Variants in SLC25A28 observed in about 807,000 individuals in gnomAD.
The protein encoded by SLC25A28 is solute carrier family 25 member 28.
SLC25A28 carries 10 observed loss-of-function variants against 31.9 expected under a neutral mutation model. The observed-to-expected ratio is 0.31, with a 90% confidence interval of 0.19 to 0.53. The LOEUF (loss-of-function observed/expected upper bound fraction) is 0.53. SLC25A28 is among the 20% of genes least tolerant of loss of function. SLC25A28 has a pLI of 0.95. For missense variants in SLC25A28, 256 were observed against 490.3 expected, an observed-to-expected ratio of 0.52 and a Z score of 4.51; for synonymous variants, 208 against 203.6, an observed-to-expected ratio of 1.02 and a Z score of -0.19.
the SLC25A28 span, among the ~76,000 whole-genome samples, chr10:99,658,022 C>T: frequency 6.6e-6 from 1 of 151,926 alleles, no homozygotes; most frequent in African/African-American, 2.4e-5. Context: ...TCCATCTCTA[C>T]AAAGAATTAA....
In SLC25A28 at chr10:99,620,431, A is replaced by G; in HGVS notation, c.-96T>C. On this transcript the variant is annotated 5_prime_UTR_variant, in exon 1 of 4. Transcript: ENST00000370495. ...GTAGTGTCCGCCTCAGGCGCGGCCC[A>G]GAGAGCCCGGGGCCTCCGGCTCCCG... 1 of 1,037,210 alleles carries G rather than the reference A, an allele frequency of 9.6e-7. No individual in the cohort carries two copies. The highest frequency in any genetic ancestry group is 1.2e-6 in the Non-Finnish European group (1 of 867,258). The allele number at this position is 1,037,210 out of a possible 1,614,324, so 64.3% of individuals were successfully genotyped here. A position where few individuals can be genotyped will look rare whatever the true frequency, so the allele number is the denominator to read the frequency against.
At chr10:99,656,860 T>A in the SLC25A28 span, among the ~76,000 whole-genome samples, 3 of 152,220 alleles carry the variant, frequency 2.0e-5, no homozygotes. Flanking sequence ...TCTCAGTGCT[T>A]TTTAATTTGC....
Position 99,613,958 on chromosome 10 carries a change from C to T in SLC25A28, c.292-34G>A, listed in dbSNP as rs1846006106. 1.9e-6 allele frequency: 3 copies of T among 1,549,698 alleles called. No homozygotes were observed. The South Asian group carries it at 3.7e-5, about 19-fold the overall frequency. ...ACAGCAAGGAGAAGCGCAATGTCAGCAATGCCAACTTCTCGCCCCACCTCA... is the reference window on the plus strand; with the variant it reads ...ACAGCAAGGAGAAGCGCAATGTCAGTAATGCCAACTTCTCGCCCCACCTCA... On this transcript the variant is annotated intron_variant, in intron 1 of 3. Transcript: ENST00000370495. The surrounding 1 kb of genome is among the most constrained non-coding windows in gnomAD (Gnocchi z 4.9).
At chr10:99,658,314 C>T in the SLC25A28 span, among the ~76,000 whole-genome samples, 2 of 152,152 alleles carry the variant, frequency 1.3e-5, no homozygotes, top group Non-Finnish European at 2.9e-5. Flanking sequence ...GGGTGGTCTT[C>T]CTCCCCGATC....
the SLC25A28 span, among the ~76,000 whole-genome samples, chr10:99,653,415 C>T: frequency 6.6e-6 from 1 of 152,184 alleles, no homozygotes; most frequent in Admixed American, 6.5e-5. Context: ...CCAGCTAAGA[C>T]TTTAGCCGCC....
In SLC25A28 at chr10:99,613,386, T is replaced by C; in HGVS notation, c.520+310A>G. ...CACCACCCAACTGTCAAACATAGAC[T>C]GGGGGTAGTTCAGTGTGTCTCCACA... On this transcript the variant is annotated intron_variant, in intron 2 of 3. Coordinates refer to ENST00000370495, the MANE Select transcript of SLC25A28 (RefSeq NM_031212.4). The surrounding 1 kb of genome is among the most constrained non-coding windows in gnomAD (Gnocchi z 4.9). The C allele has an allele frequency of 8.0e-7, 1 of 1,248,140 alleles. No homozygotes were observed. The highest frequency in any genetic ancestry group is 1.0e-6 in the Non-Finnish European group (1 of 984,264). The allele number at this position is 1,248,140 out of a possible 1,614,324, so 77.3% of individuals were successfully genotyped here.
Position 99,610,786 on chromosome 10 carries a change from G to A in SLC25A28, c.*63C>T. 6.4e-7 allele frequency: 1 copy of A among 1,552,968 alleles called. No homozygotes were observed. The highest frequency in any genetic ancestry group is 1.2e-5 in the South Asian group (1 of 82,306). On this transcript the variant is annotated 3_prime_UTR_variant, in exon 4 of 4. Transcript: ENST00000370495. ...CACTTGAGGTGGGAGCATTCCAGGA[G>A]ACAGAGAATGTGACCAGGATGCAGC...
chr10:99,619,938 G>A (rs1487117339), intron 1 of SLC25A28, 107 bp downstream of exon 1: 2 of 1,210,036 alleles, frequency 1.7e-6, no homozygotes, highest in Non-Finnish European at 1.1e-6. Context: ...CAGGAGCCAG[G>A]AAGGAACCCA....
rs746818784 is a variant in SLC25A28 at position 99,619,398 on chromosome 10, T to C, written c.291+647A>G. ...AGTCCTAATCCCAGCTCAATTTTCA[T>C]GTTCAGGAAATAGGTGGGGTATCAT... On this transcript the variant is annotated intron_variant, in intron 1 of 3. Transcript: ENST00000370495. The C allele has an allele frequency of 1.1e-4, 112 of 985,332 alleles. 1 individual carries two copies. The highest frequency in any genetic ancestry group is 2.3e-4 in the South Asian group (5 of 21,298). The allele number at this position is 985,332 out of a possible 1,614,324, so 61.0% of individuals were successfully genotyped here. A position where few individuals can be genotyped will look rare whatever the true frequency, so the allele number is the denominator to read the frequency against.
At chr10:99,624,316 G>A (rs921929440), upstream of SLC25A28, among the ~76,000 whole-genome samples, 1 of 148,832 alleles carries the variant, frequency 6.7e-6, no homozygotes, top group African/African-American at 2.5e-5. Context: ...AATGGTCTTA[G>A]AACTCCTAGG....
In SLC25A28 at chr10:99,610,581, A is replaced by C. The variant is rs2034498201; in HGVS notation, c.*268T>G. The C allele has an allele frequency of 6.4e-6, 3 of 471,108 alleles. No individual in the cohort carries two copies. Among genetic ancestry groups the C allele is most frequent in the Non-Finnish European group, 1.2e-5 (3 of 260,188 alleles). 29.2% of individuals were successfully genotyped at this position (471,108 alleles called of 1,614,324 possible). A position where few individuals can be genotyped will look rare whatever the true frequency, so the allele number is the denominator to read the frequency against. On this transcript the variant is annotated 3_prime_UTR_variant, in exon 4 of 4. Transcript: ENST00000370495. ...AATGAGCTGCTTATCCCTCTATAAC[A>C]GTCTAGAGCAGGTCATCAGGCCCAG... is the stretch of plus-strand genomic sequence containing the variant.
chr10:99,613,887 C>T lies in SLC25A28; in HGVS notation c.329G>A (p.Arg110His), dbSNP rs758605481. Residue 110 changes from arginine to histidine, a missense_variant, in exon 2 of 4, where the codon CGC (arginine) becomes CAC (histidine). Physicochemically the swap from Arg to His is conservative, Grantham distance 29. Around this residue, in one of 4 missense-constraint regions of SLC25A28, gnomAD observed 158 missense variants for 379.1 expected, o/e 0.42. Coordinates refer to ENST00000370495, the MANE Select transcript of SLC25A28 (RefSeq NM_031212.4). The surrounding 1 kb of genome is among the most constrained non-coding windows in gnomAD (Gnocchi z 4.9). ...MQSLQPDPAA[R>H]YRNVLEALWR... is the part of the protein sequence containing the mutation. ...GAGGGCCTCCAACACATTGCGATAG[C>T]GGGCAGCTGGGTCAGGCTGTAGACT... 2.5e-5 allele frequency: 41 copies of T among 1,613,030 alleles called. No homozygotes were observed. The highest frequency in any genetic ancestry group is 1.6e-4 in the Middle Eastern group (1 of 6,072).
chr10:99,637,712 C>A, the SLC25A28 span, among the ~76,000 whole-genome samples: 10 of 150,266 alleles, frequency 6.7e-5, no homozygotes, highest in Middle Eastern at 3.2e-3. Context: ...AACAAACAAA[C>A]AAAAAAACTT....
chr10:99,616,811 T>G, intron 1 of SLC25A28: 1 of 931,720 alleles, frequency 1.1e-6, no homozygotes, highest in Non-Finnish European at 1.3e-6. Context: ...GTTATATAAC[T>G]TCCCTAAGCC....
chr10:99,615,375 A>G (rs1031813559), intron 1 of SLC25A28: 3 of 839,154 alleles, frequency 3.6e-6, no homozygotes, highest in South Asian at 5.6e-5. Context: ...AAAAAAAAAA[A>G]GCTTGAACCT....
At chr10:99,625,586 T>G (rs531225418), upstream of SLC25A28, among the ~76,000 whole-genome samples, 8 of 152,298 alleles carry the variant, frequency 5.3e-5, no homozygotes, top group African/African-American at 1.7e-4. Context: ...ACCACTCATT[T>G]TTTTTCTTTA....
At chr10:99,651,683 C>T in the SLC25A28 span, among the ~76,000 whole-genome samples, 6 of 151,070 alleles carry the variant, frequency 4.0e-5, no homozygotes, top group African/African-American at 1.5e-4. Flanking sequence ...CTTGAACTCC[C>T]GGGCTCACAT....
At chr10:99,631,888 T>TG in the SLC25A28 span, among the ~76,000 whole-genome samples, 2 of 101,146 alleles carry the variant, frequency 2.0e-5, no homozygotes, top group African/African-American at 7.4e-5. Flanking sequence ...ATTTTTTTTT[T>TG]TTATTTTTTT....
chr10:99,641,786 G>T, the SLC25A28 span, among the ~76,000 whole-genome samples: 1 of 152,132 alleles, frequency 6.6e-6, no homozygotes, highest in African/African-American at 2.4e-5. Flanking sequence ...TCTCCATATG[G>T]CTAGCCAGTT....
Sources: allele counts gnomAD v4.1 joint callset (sites outside exome capture counted in the v4.1 genomes callset), GRCh38; gene constraint gnomAD v4.1.1; regional missense constraint gnomAD v4.1.1; non-coding constraint Gnocchi (gnomAD v3.1); transcripts MANE v1.5; gene names NCBI Gene and HGNC (gene_info 2026-07-23, HGNC 2026-07-21).